The following DMPK variants were observed in gnomAD, a reference collection of about 807,000 sequenced individuals.
The protein encoded by DMPK is DM1 protein kinase.
A neutral mutation model predicts 70.3 loss-of-function variants in DMPK; 32 were observed. The observed-to-expected ratio is 0.46, with a 90% CI of 0.34 to 0.61. The LOEUF is 0.61. DMPK is among the 20% of genes least tolerant of loss of function. The pLI, the probability that DMPK is intolerant of heterozygous loss-of-function variation, is 0.01. For synonymous variants in DMPK, 469 were observed against 390.9 expected, an observed-to-expected ratio of 1.20 and a Z score of -2.36; for missense variants, 899 against 886.0, an observed-to-expected ratio of 1.01 and a Z score of -0.19.
At position 45,778,557 on chromosome 19, in the gene DMPK, G is replaced by A. The variant is rs371659096; in HGVS notation, c.517C>T (p.Arg173Cys). The change falls in exon 5 of 15, where the codon CGC becomes TGC. Residue 173 changes from arginine to cysteine, a missense_variant. By Grantham distance (180) the Arg-to-Cys change is radical (BLOSUM62 -3). This residue lies in a region of DMPK where 195 missense variants were observed against 259.7 expected (regional missense o/e 0.75). Coordinates refer to ENST00000291270, the MANE Select transcript of DMPK (RefSeq NM_004409.5). ...ATGACAATCTCCGCCAGGTAGAAGC[G>A]CGCCATCTCGGCCGGAATCCGCTCC... is the stretch of plus-strand genomic sequence containing the variant. ...FGERIPAEMA[R>C]FYLAEIVMAI... 15 of 1,613,870 alleles carry A rather than the reference G, an allele frequency of 9.3e-6. No individual in the cohort carries two copies. Among genetic ancestry groups the A allele is most frequent in the African/African-American group, 5.3e-5 (4 of 74,946 alleles).
intron 1 of DMPK, chr19:45,780,343 G>A (rs1415494890): frequency 2.0e-6 from 3 of 1,536,146 alleles, no homozygotes; most frequent in Non-Finnish European, 2.6e-6. Context: ...AGATGCAGGT[G>A]GTTCTTGAAC....
intron 10 of DMPK, chr19:45,772,399 T>A (rs1969513968): frequency 2.4e-6 from 1 of 410,398 alleles, no homozygotes. Flanking sequence ...TGTTTCTCCT[T>A]CACCAGCGCT....
chr19:45,776,878 G>A (rs77723844), intron 8 of DMPK: 2,026 of 163,544 alleles, frequency 0.012, 28 homozygotes, highest in African/African-American at 0.033. Context: ...CATCTGGTCC[G>A]TGCTGGATCC....
intron 14 of DMPK, 84 bp downstream of exon 14, chr19:45,770,887 G>C: frequency 4.4e-6 from 5 of 1,147,592 alleles, no homozygotes; most frequent in Non-Finnish European, 5.9e-6. Flanking sequence ...GCCCAGCCCC[G>C]CAAATGCGCA....
chr19:45,777,423 G>A lies in DMPK; in HGVS notation c.1050C>T (p.Ser350=), dbSNP rs1478239586. 3.7e-6 allele frequency: 6 copies of A among 1,613,388 alleles called. No homozygotes were observed. Among genetic ancestry groups the A allele is most frequent in the South Asian group, 2.2e-5 (2 of 91,074 alleles). ...CGAAATCCGGTGTAAAGGGGGGCAC[G>A]CTGTCCCGGAGACCATCCCAGTCGA... ...FGLDWDGLRD[S]VPPFTPDFEG... is the part of the protein sequence containing the mutation. The change falls in exon 8 of 15, where the codon AGC becomes AGT. Residue 350 remains serine (S), a synonymous_variant. Coordinates refer to ENST00000291270, the MANE Select transcript of DMPK (RefSeq NM_004409.5). This position sits in a 1 kb window ranked among gnomAD's most constrained non-coding sequence, Gnocchi z 6.7.
chr19:45,778,785 C>G, intron 4 of DMPK, 144 bp from the exon 5 acceptor site: 1 of 875,238 alleles, frequency 1.1e-6, no homozygotes, highest in Non-Finnish European at 1.7e-6. Context: ...AGAGATCTGC[C>G]GGGCCAAATC....
rs936880658 is a variant in DMPK, at chr19:45,777,181, G to T, written c.1146+146C>A. 5.2e-6 allele frequency: 6 copies of T among 1,146,206 alleles called. No individual in the cohort carries two copies. In the Middle Eastern group the frequency reaches 9.0e-4, roughly 171 times the overall value. The allele number at this position is 1,146,206 out of a possible 1,614,324, so 71.0% of individuals were successfully genotyped here. A position where few individuals can be genotyped will look rare whatever the true frequency, so the allele number is the denominator to read the frequency against. On this transcript the variant is annotated intron_variant, in intron 8 of 14. Coordinates refer to ENST00000291270, the MANE Select transcript of DMPK (RefSeq NM_004409.5). The surrounding 1 kb of genome is among the most constrained non-coding windows in gnomAD (Gnocchi z 6.7). ...GGACTGTAAGTCTAGGTCACTGCTG[G>T]GTCCTCAGTAGTAGATGGGCACAGA...
intron 8 of DMPK, 114 bp from the exon 9 acceptor site, chr19:45,775,148 G>A (rs1969711399): frequency 1.3e-6 from 1 of 752,626 alleles, no homozygotes; most frequent in East Asian, 2.7e-5. Flanking sequence ...CTTATCTAAA[G>A]TGGCCCCTCC....
Position 45,770,524 on chromosome 19 carries a change from T to C in DMPK, c.1854A>G (p.Ala618=), listed in dbSNP as rs759340573. 4.5e-6 allele frequency: 7 copies of C among 1,550,418 alleles called. No homozygotes were observed. The Middle Eastern group carries it at 6.7e-4, about 147-fold the overall frequency. ...GLVAHAGQLT[A]VWRRPGAARA... ...GGGCGGCTCCTGGGCGGCGCCAGAC[T>C]GCGGTGAGTTGGCCGGCGTGGGCCA... Residue 618 remains alanine (A), a synonymous_variant, in exon 15 of 15, where the codon GCA becomes GCG. Coordinates refer to ENST00000291270, the MANE Select transcript of DMPK (RefSeq NM_004409.5).
chr19:45,779,799 G>C lies in DMPK; in HGVS notation c.231C>G (p.Ile77Met). 1 of 1,560,066 alleles carries C rather than the reference G, an allele frequency of 6.4e-7. No homozygotes were observed. The highest frequency in any genetic ancestry group is 1.2e-5 in the South Asian group (1 of 84,166). The change falls in exon 2 of 15, where the codon ATC becomes ATG. Residue 77 changes from isoleucine to methionine, a missense_variant. Ile to Met is a conservative substitution (Grantham distance 10). Transcript: ENST00000291270. The part of the protein sequence containing the change: ...QRDDFEILKV[I>M]GRGAFSEVAV... ...TTACCTCGCTGAACGCCCCGCGTCCGATCACCTTCAGAATCTCGAAGTCGT... is the reference window on the plus strand; with the variant it reads ...TTACCTCGCTGAACGCCCCGCGTCCCATCACCTTCAGAATCTCGAAGTCGT...
chr19:45,778,735 CT>C, intron 4 of DMPK, 94 bp from the exon 5 acceptor site: 1 of 1,362,266 alleles, frequency 7.3e-7, no homozygotes, highest in Non-Finnish European at 1.0e-6. Context: ...ACACCCCATC[CT>C]TGGGCAGAGA....
rs577648783 is a variant in DMPK at position 45,779,766 on chromosome 19, G to A, written c.252+12C>T. The A allele has an allele frequency of 7.0e-6, 9 of 1,283,460 alleles. No homozygotes were observed. Among genetic ancestry groups the A allele is most frequent in the Non-Finnish European group, 9.3e-6 (9 of 972,866 alleles). The allele number at this position is 1,283,460 out of a possible 1,614,324, so 79.5% of individuals were successfully genotyped here. A position where few individuals can be genotyped will look rare whatever the true frequency, so the allele number is the denominator to read the frequency against. On this transcript the variant is annotated intron_variant, in intron 2 of 14. Transcript: ENST00000291270. ...CACGAGTCAAGTCAGGCTCCCGCCC[G>A]GTTCGGCTTACCTCGCTGAACGCCC...
At chr19:45,773,179 A>C (rs1187220643) in intron 9 of DMPK, among the ~76,000 whole-genome samples, 2 of 152,182 alleles carry the variant, frequency 1.3e-5, no homozygotes, top group East Asian at 3.8e-4. Flanking sequence ...CAAGATGGCA[A>C]CTTGAGGTCA....
At chr19:45,780,511 A>T (rs893950884) in intron 1 of DMPK, 29 of 1,090,312 alleles carry the variant, frequency 2.7e-5, no homozygotes, top group Middle Eastern at 5.3e-4. Context: ...TTTACAGATG[A>T]CAATCAGGCC....
intron 1 of DMPK, chr19:45,780,468 C>T: frequency 8.1e-7 from 1 of 1,228,916 alleles, no homozygotes; most frequent in Non-Finnish European, 1.0e-6. Context: ...ATCTCTCAGT[C>T]CTCCAGGAGG....
chr19:45,779,955 C>T (rs965480490), intron 1 of DMPK, 86 bp from the exon 2 acceptor site: 3 of 1,596,926 alleles, frequency 1.9e-6, no homozygotes, highest in African/African-American at 2.7e-5. Context: ...CTGTCTGTCT[C>T]CCCTTCTCTC....
At chr19:45,771,699 G>A (rs1455039099) in intron 11 of DMPK, 34 bp from the exon 12 acceptor site, 1 of 1,612,664 alleles carries the variant, frequency 6.2e-7, no homozygotes, top group South Asian at 1.1e-5. Flanking sequence ...GTCCGTCCGG[G>A]CCGGACGAGA....
Position 45,769,835 on chromosome 19 carries a change from T to G in DMPK, c.*653A>C. ...AGTGCATCCAAAACGTGGATTGGGG[T>G]TGTTGGGGGTCCTGTAGCCTGTCAG... On this transcript the variant is annotated 3_prime_UTR_variant, in exon 15 of 15. Transcript: ENST00000291270. 1.9e-5 allele frequency: 4 copies of G among 213,178 alleles called. No homozygotes were observed. The highest frequency in any genetic ancestry group is 3.8e-5 in the Non-Finnish European group (4 of 104,456). 13.2% of individuals were successfully genotyped at this position (213,178 alleles called of 1,614,324 possible).
Position 45,775,411 on chromosome 19 carries a change from CGCCT to C in DMPK, c.1147-381_1147-378del, listed in dbSNP as rs1969727353. The C allele has an allele frequency of 2.4e-3, 332 of 139,350 alleles. 6 individuals carry two copies. Among genetic ancestry groups the C allele is most frequent in the South Asian group, 0.013 (81 of 6,328 alleles). The allele number at this position is 139,350 out of a possible 1,614,324, so 8.6% of individuals were successfully genotyped here. On this transcript the variant is annotated intron_variant, in intron 8 of 14. Coordinates refer to ENST00000291270, the MANE Select transcript of DMPK (RefSeq NM_004409.5). ...CTCCATCTTCTGACCTCAAGTGATC[CGCCT>C]ACCTCAGCTGTTGTAGTCCCAAACT...
Sources: gnomAD v4.1 joint callset for allele counts (sites outside exome capture counted in the v4.1 genomes callset) on GRCh38, gnomAD v4.1.1 for gene constraint, gnomAD v4.1.1 regional missense constraint, Gnocchi (gnomAD v3.1) non-coding constraint, MANE v1.5 for transcripts, NCBI Gene and HGNC (gene_info 2026-07-23, HGNC 2026-07-21) for gene names.